SNX29: variants seen among roughly 807,000 people sequenced by gnomAD.
SNX29 encodes sorting nexin 29, also known as sorting nexin-29.
A neutral mutation model predicts 102.1 loss-of-function variants in SNX29; 78 were observed. The ratio of observed to expected loss-of-function variants is 0.76; its 90% CI spans 0.64 to 0.92. SNX29 has a LOEUF of 0.92. SNX29 is among the 40% of genes least tolerant of loss of function. The probability of loss-of-function intolerance (pLI) is 0.00; values close to 1 mark genes in which losing one functional copy is unlikely to be tolerated. For synonymous variants in SNX29, 580 were observed against 414.5 expected, an observed-to-expected ratio of 1.40 and a Z score of -4.85; for missense variants, 1,280 against 1,061.7, an observed-to-expected ratio of 1.21 and a Z score of -2.86.
chr16:12,494,824 G>C (rs11860737), intron 19 of SNX29, among the ~76,000 whole-genome samples: 64,322 of 152,098 alleles, frequency 0.42, 13,967 homozygotes, highest in South Asian at 0.64. Context: ...TTAGCTCTCC[G>C]CTGTGAGCTG....
chr16:12,016,494 T>TA (rs2056853215), intron 3 of SNX29, among the ~76,000 whole-genome samples: 1 of 152,196 alleles, frequency 6.6e-6, no homozygotes, highest in Non-Finnish European at 1.5e-5. Context: ...TTTGCATAGT[T>TA]AGTTTTATCT....
Position 12,466,740 on chromosome 16 carries a change from G to A in SNX29, c.2038-10979G>A, listed in dbSNP as rs1221377683. On this transcript the variant is annotated intron_variant, in intron 18 of 20. Transcript: ENST00000566228. ...TAGTTTTCTGGCAGGGGCTGGTGTTGGCAGCAGTTGGGACTGAAAGAGGCC... is the reference window on the plus strand; with the variant it reads ...TAGTTTTCTGGCAGGGGCTGGTGTTAGCAGCAGTTGGGACTGAAAGAGGCC... Among the ~76,000 whole-genome samples the A allele has an allele frequency of 5.3e-5, 8 of 152,274 alleles. No individual in the cohort carries two copies. In the East Asian group the frequency reaches 1.5e-3, roughly 29 times the overall value.
At chr16:12,121,487 G>T (rs1302351108) in intron 11 of SNX29, among the ~76,000 whole-genome samples, 4 of 152,240 alleles carry the variant, frequency 2.6e-5, no homozygotes, top group African/African-American at 9.6e-5. Flanking sequence ...TAGCCGCCTT[G>T]GCTGTGGTGG....
intron 20 of SNX29, among the ~76,000 whole-genome samples, chr16:12,559,224 G>C (rs966919163): frequency 2.4e-4 from 37 of 152,114 alleles, no homozygotes; most frequent in Admixed American, 2.3e-3. Context: ...TGTATTTACA[G>C]CCACTCCCCA....
At chr16:12,386,998 G>A (rs555786449) in intron 16 of SNX29, among the ~76,000 whole-genome samples, 45 of 152,244 alleles carry the variant, frequency 3.0e-4, no homozygotes, top group South Asian at 1.0e-3. Flanking sequence ...GGTGGCATAC[G>A]CCTGTCATCC....
chr16:12,238,992 G>A (rs913829003), intron 14 of SNX29, among the ~76,000 whole-genome samples: 4 of 152,190 alleles, frequency 2.6e-5, no homozygotes, highest in African/African-American at 9.7e-5. Context: ...ACTCTCCCCC[G>A]CTAACTGTCC....
chr16:12,418,802 A>T (rs2084754906), intron 18 of SNX29, among the ~76,000 whole-genome samples: 1 of 152,218 alleles, frequency 6.6e-6, no homozygotes, highest in African/African-American at 2.4e-5. Context: ...GATGTGAGCC[A>T]CAGCACCTGG....
At position 12,210,282 on chromosome 16, in the gene SNX29, G is replaced by T. The variant is rs970634854; in HGVS notation, c.1678+10599G>T. Among the ~76,000 whole-genome samples, 4 of 152,010 alleles carry T rather than the reference G, an allele frequency of 2.6e-5. No homozygotes were observed. In the South Asian group the frequency reaches 6.3e-4, roughly 24 times the overall value. ...ATTTGGACTGGAGAGGCTGGGGCTG[G>T]GGCTCCTCGTTTTGCACTCAAGGGA... is the stretch of plus-strand genomic sequence containing the variant. On this transcript the variant is annotated intron_variant, in intron 14 of 20. Coordinates refer to ENST00000566228, the MANE Select transcript of SNX29 (RefSeq NM_032167.5).
At chr16:12,403,322 T>C in intron 17 of SNX29, 126 bp from the exon 18 acceptor site, 1 of 824,768 alleles carries the variant, frequency 1.2e-6, no homozygotes, top group Non-Finnish European at 1.9e-6. Context: ...TGATGTAAGT[T>C]GTCATAAATT....
At chr16:12,448,297 C>T (rs971251377) in intron 18 of SNX29, among the ~76,000 whole-genome samples, 1 of 152,130 alleles carries the variant, frequency 6.6e-6, no homozygotes, top group Non-Finnish European at 1.5e-5. Flanking sequence ...CCTGAATCCC[C>T]TTCCTCAGAT....
chr16:12,555,042 C>T (rs984091355), intron 20 of SNX29, among the ~76,000 whole-genome samples: 3 of 151,792 alleles, frequency 2.0e-5, no homozygotes, highest in East Asian at 2.0e-4. Context: ...TGCCACCGAG[C>T]AGCCTCAAGA....
intron 18 of SNX29, among the ~76,000 whole-genome samples, chr16:12,476,393 T>TAAATATATATATAA (rs2087620462): frequency 6.2e-5 from 1 of 16,074 alleles, no homozygotes; most frequent in Non-Finnish European, 9.1e-5. Flanking sequence ...AATATATATA[T>TAAATATATATATAA]ATATATATAT....
rs77155506 is a variant in SNX29, at chr16:12,306,055, C to T, written c.1782+28019C>T. Among the ~76,000 whole-genome samples the T allele has an allele frequency of 1.6e-3, 246 of 152,094 alleles. 5 individuals carry two copies. The East Asian group carries it at 0.044, about 27-fold the overall frequency. ...GACTCACCATCTGTCTCACACCCTCCCTCAGCCAGGCACCTGCATGTAAAA... is the reference window on the plus strand; with the variant it reads ...GACTCACCATCTGTCTCACACCCTCTCTCAGCCAGGCACCTGCATGTAAAA... On this transcript the variant is annotated intron_variant, in intron 15 of 20. Coordinates refer to ENST00000566228, the MANE Select transcript of SNX29 (RefSeq NM_032167.5).
intron 9 of SNX29, among the ~76,000 whole-genome samples, chr16:12,064,192 CT>C (rs1013380659): frequency 6.6e-6 from 1 of 152,128 alleles, no homozygotes; most frequent in African/African-American, 2.4e-5. Flanking sequence ...GCTGGGCCCC[CT>C]GAACCATCAG....
chr16:12,394,717 G>A (rs766889062), intron 16 of SNX29, among the ~76,000 whole-genome samples: 2 of 152,196 alleles, frequency 1.3e-5, no homozygotes, highest in Non-Finnish European at 1.5e-5. Flanking sequence ...GAGAAAGCCC[G>A]AGCACCTGAA....
At chr16:12,102,028 G>C (rs1159441936) in intron 11 of SNX29, among the ~76,000 whole-genome samples, 2 of 152,042 alleles carry the variant, frequency 1.3e-5, no homozygotes, top group African/African-American at 4.8e-5. Context: ...TTGGTCTTTT[G>C]TCCTTGTGAT....
At chr16:12,011,962 A>C (rs537067413) in intron 3 of SNX29, among the ~76,000 whole-genome samples, 2 of 152,264 alleles carry the variant, frequency 1.3e-5, no homozygotes, top group African/African-American at 4.8e-5. Context: ...TTTTTTTTGT[A>C]TGACTAGACA....
At chr16:12,331,279 C>G (rs746004532) in intron 15 of SNX29, among the ~76,000 whole-genome samples, 1 of 152,228 alleles carries the variant, frequency 6.6e-6, no homozygotes, top group Non-Finnish European at 1.5e-5. Flanking sequence ...AGAGCCTTCT[C>G]TACGTGCTCC....
At chr16:12,473,627 A>G (rs1227702675) in intron 18 of SNX29, among the ~76,000 whole-genome samples, 2 of 152,242 alleles carry the variant, frequency 1.3e-5, no homozygotes, top group African/African-American at 2.4e-5. Context: ...TCGGACGGTT[A>G]GGCATTCTAA....
Sources: allele counts gnomAD v4.1 joint callset (sites outside exome capture counted in the v4.1 genomes callset), GRCh38; gene constraint gnomAD v4.1.1; transcripts MANE v1.5; gene names NCBI Gene and HGNC (gene_info 2026-07-23, HGNC 2026-07-21).